The following FARS2 variants were observed in gnomAD, a reference collection of about 807,000 sequenced individuals.
FARS2 encodes phenylalanine--tRNA ligase, mitochondrial.
FARS2 carries 40 observed loss-of-function variants against 46.4 expected under a neutral mutation model. The ratio of observed to expected loss-of-function variants is 0.86; its 90% CI spans 0.67 to 1.12. The LOEUF (loss-of-function observed/expected upper bound fraction) is 1.12, where lower values mean the gene tolerates loss of function less well. Ranked by LOEUF, FARS2 falls within the 50% of genes most tolerant of loss-of-function variation. The probability of loss-of-function intolerance (pLI) is 0.00; values close to 1 mark genes in which losing one functional copy is unlikely to be tolerated. For missense variants in FARS2, 513 were observed against 567.9 expected (o/e 0.90, Z 0.98); for synonymous variants, 234 against 214.9 (o/e 1.09, Z -0.78).
intron 5 of FARS2, among the ~76,000 whole-genome samples, chr6:5,595,318 G>A (rs1774138001): frequency 6.6e-6 from 1 of 152,128 alleles, no homozygotes; most frequent in East Asian, 1.9e-4. Flanking sequence ...ATCCTTTGAT[G>A]TGTACCTAAG....
At chr6:5,307,928 T>G (rs1768830184) in intron 1 of FARS2, among the ~76,000 whole-genome samples, 1 of 152,158 alleles carries the variant, frequency 6.6e-6, no homozygotes. Context: ...GGTCAGGATC[T>G]CTCAACACTA....
At chr6:5,264,952 C>G (rs1038740520) in intron 1 of FARS2, among the ~76,000 whole-genome samples, 2 of 150,094 alleles carry the variant, frequency 1.3e-5, no homozygotes, top group Non-Finnish European at 3.0e-5. Flanking sequence ...TGCCACCATG[C>G]CTGGCAGATT....
chr6:5,627,156 G>T (rs573679214), intron 6 of FARS2, among the ~76,000 whole-genome samples: 52 of 152,294 alleles, frequency 3.4e-4, no homozygotes, highest in Non-Finnish European at 5.6e-4. Flanking sequence ...AATCTTATGG[G>T]ACCATCATTG....
At chr6:5,689,803 A>ATC (rs1361453155) in intron 6 of FARS2, among the ~76,000 whole-genome samples, 4 of 152,154 alleles carry the variant, frequency 2.6e-5, no homozygotes, top group African/African-American at 7.2e-5. Context: ...GTGGGGTGTT[A>ATC]AAGTCTCCCA....
intron 5 of FARS2, among the ~76,000 whole-genome samples, chr6:5,580,451 C>T (rs1234102701): frequency 1.3e-5 from 2 of 152,108 alleles, no homozygotes; most frequent in African/African-American, 4.8e-5. Context: ...ATACTGTAGT[C>T]TGGTCAACCA....
At position 5,584,876 on chromosome 6, in the gene FARS2, G is replaced by A. The variant is rs1582510362; in HGVS notation, c.1066-28293G>A. 2.6e-5 allele frequency among the ~76,000 whole-genome samples: 4 copies of A among 152,142 alleles called. No individual in the cohort carries two copies. The South Asian group carries it at 8.3e-4, about 32-fold the overall frequency. ...ATTTGCCAGAGAGTGGGGAGATATC[G>A]ATGGTGTTAATAAAATCCTGATTTT... is the stretch of plus-strand genomic sequence containing the variant. On this transcript the variant is annotated intron_variant, in intron 5 of 6. Transcript: ENST00000274680.
chr6:5,506,041 A>G (rs1215037111), intron 4 of FARS2, among the ~76,000 whole-genome samples: 1 of 152,204 alleles, frequency 6.6e-6, no homozygotes, highest in Non-Finnish European at 1.5e-5. Flanking sequence ...TGATGGAATC[A>G]CATGGCTTTG....
intron 2 of FARS2, among the ~76,000 whole-genome samples, chr6:5,399,159 T>TA (rs1244398076): frequency 1.5e-4 from 20 of 134,876 alleles, no homozygotes; most frequent in African/African-American, 5.3e-4. Flanking sequence ...TTATTATTAT[T>TA]ATTATTATTA....
At chr6:5,379,984 C>T (rs931191882) in intron 2 of FARS2, among the ~76,000 whole-genome samples, 1 of 152,198 alleles carries the variant, frequency 6.6e-6, no homozygotes, top group African/African-American at 2.4e-5. Flanking sequence ...TGCTCCCTTT[C>T]CTGAATGTCT....
intron 4 of FARS2, among the ~76,000 whole-genome samples, chr6:5,456,443 G>C (rs1387211777): frequency 6.6e-6 from 1 of 151,942 alleles, no homozygotes; most frequent in African/African-American, 2.4e-5. Context: ...TAAAGAGATG[G>C]GCAGGGTTGG....
chr6:5,278,477 CAA>C lies in FARS2; in HGVS notation c.-22+16819_-22+16820del, dbSNP rs947251535. Among the ~76,000 whole-genome samples the C allele has an allele frequency of 3.9e-5, 6 of 152,046 alleles. 1 individual carries two copies. Among genetic ancestry groups the C allele is most frequent in the South Asian group, 2.1e-4 (1 of 4,826 alleles). On this transcript the variant is annotated intron_variant, in intron 1 of 6. Coordinates refer to ENST00000274680, the MANE Select transcript of FARS2 (RefSeq NM_006567.5). ...ATGGTAAAACGAAGGGATTTTTACA[CAA>C]AGTTTTTTACTAAAAATGACGATGT...
chr6:5,263,862 A>G (rs1470237577), intron 1 of FARS2, among the ~76,000 whole-genome samples: 1 of 152,242 alleles, frequency 6.6e-6, no homozygotes, highest in African/African-American at 2.4e-5. Flanking sequence ...AAGCTTAAAT[A>G]TCAAAATGAT....
intron 6 of FARS2, among the ~76,000 whole-genome samples, chr6:5,623,057 G>T (rs573083791): frequency 6.6e-6 from 1 of 152,350 alleles, no homozygotes; most frequent in East Asian, 1.9e-4. Flanking sequence ...CACCTTAGAT[G>T]TGTGATGTTG....
At chr6:5,688,739 C>T (rs928296160) in intron 6 of FARS2, among the ~76,000 whole-genome samples, 6 of 152,108 alleles carry the variant, frequency 3.9e-5, no homozygotes, top group African/African-American at 1.2e-4. Flanking sequence ...GAGGATTCCC[C>T]CTTTTTCTAT....
At position 5,587,456 on chromosome 6, in the gene FARS2, T is replaced by G. The variant is rs779187775; in HGVS notation, c.1066-25713T>G. On this transcript the variant is annotated intron_variant, in intron 5 of 6. Transcript: ENST00000274680. Reference sequence around the variant, plus strand: ...AAATGTAAGGTTTGCAAATAATTGATTTGGCTTAGAAAATCCACGTTGCTC... The same window carrying G: ...AAATGTAAGGTTTGCAAATAATTGAGTTGGCTTAGAAAATCCACGTTGCTC... 5.9e-4 allele frequency among the ~76,000 whole-genome samples: 90 copies of G among 152,222 alleles called. 1 individual carries two copies. The highest frequency in any genetic ancestry group is 2.1e-4 in the South Asian group (1 of 4,832).
chr6:5,731,944 G>A (rs542880217), intron 6 of FARS2, among the ~76,000 whole-genome samples: 1 of 152,172 alleles, frequency 6.6e-6, no homozygotes, highest in South Asian at 2.1e-4. Flanking sequence ...CCCGAGCTAG[G>A]AGAGCCTCCC....
chr6:5,381,406 T>C (rs5873975), intron 2 of FARS2, among the ~76,000 whole-genome samples: 38,501 of 115,058 alleles, frequency 0.33, 5,354 homozygotes, highest in South Asian at 0.47. Context: ...CACACACACA[T>C]ACACACACAC....
At chr6:5,738,305 A>G (rs1761081091) in intron 6 of FARS2, among the ~76,000 whole-genome samples, 1 of 152,196 alleles carries the variant, frequency 6.6e-6, no homozygotes, top group Non-Finnish European at 1.5e-5. Flanking sequence ...AGCTGCCCTC[A>G]TCAGAAGTGA....
chr6:5,507,499 A>G (rs1418454763), intron 4 of FARS2, among the ~76,000 whole-genome samples: 1 of 152,114 alleles, frequency 6.6e-6, no homozygotes, highest in East Asian at 1.9e-4. Flanking sequence ...ACTTTCACTT[A>G]TGTCTGTAAA....
Sources: allele counts gnomAD v4.1 joint callset (sites outside exome capture counted in the v4.1 genomes callset), GRCh38; gene constraint gnomAD v4.1.1; transcripts MANE v1.5; gene names NCBI Gene and HGNC (gene_info 2026-07-23, HGNC 2026-07-21).